The following DLC1 variants were observed in gnomAD, a reference collection of about 807,000 sequenced individuals.
DLC1 encodes the protein DLC1 Rho GTPase activating protein, also known as rho GTPase-activating protein 7.
In DLC1, 54 loss-of-function variants were observed where a neutral mutation model predicts 140.3. That is an observed-to-expected ratio of 0.38 (90% CI 0.31 to 0.48). DLC1 has a LOEUF of 0.48. Among genes scored for constraint, DLC1 ranks in the 20% least tolerant of loss-of-function variants. DLC1 has a pLI of 0.96. For missense variants in DLC1, 2,536 were observed against 1,907.0 expected (o/e 1.33, Z -6.14); for synonymous variants, 986 against 728.1 (o/e 1.35, Z -5.70).
At chr8:13,416,419 G>GAT (rs1044394233) in intron 2 of DLC1, among the ~76,000 whole-genome samples, 18 of 152,094 alleles carry the variant, frequency 1.2e-4, no homozygotes, top group African/African-American at 4.1e-4. Context: ...GCATATAAAA[G>GAT]ATATATATAC....
intron 5 of DLC1, among the ~76,000 whole-genome samples, chr8:13,237,282 TATATATAAATATATAAATCATATATAC>T (rs1829329882): frequency 1.4e-5 from 2 of 147,606 alleles, no homozygotes; most frequent in East Asian, 3.9e-4. Flanking sequence ...GGTGTATATA[TATATATAAATATATAAATCATATATAC>T]ATATATATCA....
chr8:13,523,463 T>C (rs532304937), intron 1 of DLC1, among the ~76,000 whole-genome samples: 173 of 152,276 alleles, frequency 1.1e-3, no homozygotes, highest in African/African-American at 4.1e-3. Flanking sequence ...CTATTAGAAA[T>C]TTCTAGAAGT....
chr8:13,354,042 C>CTT (rs57814327), intron 4 of DLC1, among the ~76,000 whole-genome samples: 127 of 146,820 alleles, frequency 8.7e-4, no homozygotes, highest in South Asian at 1.7e-3. Flanking sequence ...ACATACTGAA[C>CTT]TTTTTTTTTT....
intron 1 of DLC1, among the ~76,000 whole-genome samples, chr8:13,502,442 G>C (rs576498589): frequency 6.6e-6 from 1 of 152,142 alleles, no homozygotes; most frequent in South Asian, 2.1e-4. Flanking sequence ...CATGTGGTCT[G>C]ATAGTTTTTT....
intron 5 of DLC1, among the ~76,000 whole-genome samples, chr8:13,153,228 G>T (rs952733033): frequency 6.6e-6 from 1 of 152,178 alleles, no homozygotes; most frequent in African/African-American, 2.4e-5. Context: ...TGGGTTCGTG[G>T]TCTCGCAGGC....
intron 1 of DLC1, among the ~76,000 whole-genome samples, chr8:13,535,559 C>T (rs991772073): frequency 1.3e-5 from 2 of 150,410 alleles, no homozygotes; most frequent in Non-Finnish European, 3.0e-5. Flanking sequence ...TTATTCTCTT[C>T]ATAAAGTGAG....
intron 1 of DLC1, among the ~76,000 whole-genome samples, chr8:13,555,844 G>C (rs908053058): frequency 1.1e-4 from 16 of 151,728 alleles, no homozygotes; most frequent in African/African-American, 1.7e-4. Context: ...CTCAATGATA[G>C]TAAGTTTATT....
At position 13,094,662 on chromosome 8, in the gene DLC1, T is replaced by C. The variant is rs1438615019; in HGVS notation, c.3526+97A>G. 6 of 1,344,154 alleles carry C rather than the reference T, an allele frequency of 4.5e-6. No individual in the cohort carries two copies. The African/African-American group carries it at 8.3e-5, about 18-fold the overall frequency. 83.3% of individuals were successfully genotyped at this position (1,344,154 alleles called of 1,614,324 possible). Reference sequence around the variant, plus strand: ...GCCTGGATGACAGAGCGAGACTCCATCTCAAAAAAAAAAAGAATGCTATCA... The same window carrying C: ...GCCTGGATGACAGAGCGAGACTCCACCTCAAAAAAAAAAAGAATGCTATCA... On this transcript the variant is annotated intron_variant, in intron 12 of 17. Coordinates refer to ENST00000276297, the MANE Select transcript of DLC1 (RefSeq NM_182643.3).
intron 4 of DLC1, among the ~76,000 whole-genome samples, chr8:13,356,025 G>A (rs1165553260): frequency 7.7e-6 from 1 of 129,140 alleles, no homozygotes; most frequent in East Asian, 2.7e-4. Context: ...AGGAGGCGGA[G>A]GTTGCAGTGA....
chr8:13,504,883 A>G (rs1202166652), intron 1 of DLC1, among the ~76,000 whole-genome samples: 1 of 152,230 alleles, frequency 6.6e-6, no homozygotes, highest in Non-Finnish European at 1.5e-5. Context: ...ATTCAGCACA[A>G]GTGAGGAAGG....
chr8:13,154,251 G>A (rs925249755), intron 5 of DLC1, among the ~76,000 whole-genome samples: 9 of 152,230 alleles, frequency 5.9e-5, no homozygotes, highest in Non-Finnish European at 1.0e-4. Flanking sequence ...ATGGAGCAGC[G>A]GGAGGCACCC....
intron 5 of DLC1, among the ~76,000 whole-genome samples, chr8:13,300,808 A>G (rs1438454124): frequency 2.0e-5 from 3 of 152,226 alleles, no homozygotes; most frequent in Non-Finnish European, 4.4e-5. Flanking sequence ...TTGGCACAGG[A>G]ACTGACATGA....
At chr8:13,219,605 C>T (rs1448749105) in intron 5 of DLC1, among the ~76,000 whole-genome samples, 1 of 151,466 alleles carries the variant, frequency 6.6e-6, no homozygotes, top group Non-Finnish European at 1.5e-5. Flanking sequence ...CCACCTTCTT[C>T]AAAAAAGCCT....
At chr8:13,507,023 A>G (rs1802124216) in intron 1 of DLC1, among the ~76,000 whole-genome samples, 1 of 152,196 alleles carries the variant, frequency 6.6e-6, no homozygotes, top group Admixed American at 6.5e-5. Flanking sequence ...ACTAGAAAAG[A>G]CGATCAACAA....
At position 13,173,636 on chromosome 8, in the gene DLC1, C is replaced by G. The variant is rs533658663; in HGVS notation, c.1349-57979G>C. On this transcript the variant is annotated intron_variant, in intron 5 of 17. Transcript: ENST00000276297. Reference sequence around the variant, plus strand: ...CCGCCCACCTTGGCCTTCCAAAGTGCTGAGATTACAGGCTTGAGCCACCGC... The same window carrying G: ...CCGCCCACCTTGGCCTTCCAAAGTGGTGAGATTACAGGCTTGAGCCACCGC... Among the ~76,000 whole-genome samples the G allele has an allele frequency of 2.6e-5, 4 of 152,290 alleles. No individual in the cohort carries two copies. The East Asian group carries it at 7.7e-4, about 30-fold the overall frequency.
chr8:13,373,674 T>C (rs1835832052), intron 4 of DLC1, among the ~76,000 whole-genome samples: 1 of 152,170 alleles, frequency 6.6e-6, no homozygotes, highest in Non-Finnish European at 1.5e-5. Context: ...ACTATATAAA[T>C]TGAGATATAA....
intron 5 of DLC1, among the ~76,000 whole-genome samples, chr8:13,161,998 G>A (rs1160728588): frequency 6.6e-6 from 1 of 152,156 alleles, no homozygotes; most frequent in Non-Finnish European, 1.5e-5. Flanking sequence ...CAAATTCATA[G>A]CAGCCGTTTG....
At chr8:13,095,397 G>T in intron 10 of DLC1, 152 bp from the exon 11 acceptor site, 1 of 937,784 alleles carries the variant, frequency 1.1e-6, no homozygotes, top group Non-Finnish European at 1.6e-6. Flanking sequence ...GACAAATTCA[G>T]TTCCCCAGTG....
At chr8:13,465,882 A>G (rs1294369567) in intron 2 of DLC1, among the ~76,000 whole-genome samples, 4 of 152,110 alleles carry the variant, frequency 2.6e-5, no homozygotes, top group Admixed American at 2.6e-4. Context: ...AACCAGGGTT[A>G]GTTAGAATCA....
Sources: gnomAD v4.1 joint callset for allele counts (sites outside exome capture counted in the v4.1 genomes callset) on GRCh38, gnomAD v4.1.1 for gene constraint, MANE v1.5 for transcripts, NCBI Gene and HGNC (gene_info 2026-07-23, HGNC 2026-07-21) for gene names.